Variants in IL1RAPL1 observed in about 807,000 individuals in gnomAD.
The protein encoded by IL1RAPL1 is interleukin 1 receptor accessory protein like 1.
IL1RAPL1 carries 3 observed loss-of-function variants against 48.4 expected under a neutral mutation model. The ratio of observed to expected loss-of-function variants is 0.06; its 90% CI spans 0.03 to 0.16. IL1RAPL1 has a LOEUF of 0.16. IL1RAPL1 is among the 10% of genes least tolerant of loss of function. The probability of loss-of-function intolerance (pLI) is 1.00; values close to 1 mark genes in which losing one functional copy is unlikely to be tolerated. For synonymous variants in IL1RAPL1, 185 were observed against 187.7 expected (o/e 0.99, Z 0.12); for missense variants, 349 against 530.6 (o/e 0.66, Z 3.36).
intron 2 of IL1RAPL1, among the ~76,000 whole-genome samples, chrX:29,149,633 G>A (rs1424825232): frequency 1.8e-5 from 2 of 111,709 alleles, no homozygotes; most frequent in Non-Finnish European, 3.8e-5. Flanking sequence ...AAGAGGTCAA[G>A]TAGCTTGTTA....
chrX:29,719,098 T>G (rs766973814), intron 6 of IL1RAPL1, among the ~76,000 whole-genome samples: 1 of 111,842 alleles, frequency 8.9e-6, no homozygotes, highest in Non-Finnish European at 1.9e-5. Flanking sequence ...AATCATTGCT[T>G]GTTGATACGT....
chrX:29,887,200 A>G (rs1460618298), intron 6 of IL1RAPL1, among the ~76,000 whole-genome samples: 1 of 112,517 alleles, frequency 8.9e-6, no homozygotes, highest in Non-Finnish European at 1.9e-5. Context: ...CAGAAAAAAT[A>G]TTAGAGTAAA....
At chrX:28,641,140 A>G in intron 1 of IL1RAPL1, among the ~76,000 whole-genome samples, 1 of 109,113 alleles carries the variant, frequency 9.2e-6, no homozygotes, top group South Asian at 4.1e-4. Flanking sequence ...AGGTATACAC[A>G]TGCCGTGGTG....
At chrX:28,630,631 G>A (rs191574418) in intron 1 of IL1RAPL1, among the ~76,000 whole-genome samples, 40 of 111,557 alleles carry the variant, frequency 3.6e-4, no homozygotes, top group South Asian at 2.2e-3. Flanking sequence ...TTTTCTATTC[G>A]TCTACTGCAA....
chrX:28,683,993 A>G (rs756085422), intron 1 of IL1RAPL1, among the ~76,000 whole-genome samples: 1 of 112,490 alleles, frequency 8.9e-6, no homozygotes, highest in South Asian at 3.7e-4. Flanking sequence ...TTTGCCATGT[A>G]AGGTTACATG....
chrX:29,332,620 A>G (rs1339589288), intron 3 of IL1RAPL1, among the ~76,000 whole-genome samples: 1 of 86,483 alleles, frequency 1.2e-5, no homozygotes, highest in Admixed American at 1.2e-4. Flanking sequence ...TTATTTATTT[A>G]TTTATTTATT....
intron 6 of IL1RAPL1, among the ~76,000 whole-genome samples, chrX:29,837,275 ATATAT>A (rs1569182673): frequency 6.7e-5 from 3 of 44,991 alleles, no homozygotes; most frequent in African/African-American, 2.3e-4. Flanking sequence ...AAAAAAAAAT[ATATAT>A]ATATATATAT....
chrX:29,848,410 A>G (rs1004581491), intron 6 of IL1RAPL1, among the ~76,000 whole-genome samples: 4 of 107,572 alleles, frequency 3.7e-5, no homozygotes, highest in African/African-American at 1.4e-4. Flanking sequence ...ACAGCACCAC[A>G]TATTTTTTTT....
At chrX:28,907,397 G>T (rs1923245909) in intron 2 of IL1RAPL1, among the ~76,000 whole-genome samples, 1 of 111,474 alleles carries the variant, frequency 9.0e-6, no homozygotes, top group South Asian at 3.7e-4. Flanking sequence ...TGAGATTACA[G>T]ACATGCACCA....
chrX:29,719,959 T>C (rs1429773021), intron 6 of IL1RAPL1, among the ~76,000 whole-genome samples: 1 of 111,075 alleles, frequency 9.0e-6, no homozygotes, highest in Non-Finnish European at 1.9e-5. Flanking sequence ...AAGTGAAAAC[T>C]ATGTGAATAA....
At chrX:29,389,521 C>T (rs1300799476) in intron 3 of IL1RAPL1, among the ~76,000 whole-genome samples, 1 of 111,049 alleles carries the variant, frequency 9.0e-6, no homozygotes, top group Non-Finnish European at 1.9e-5. Flanking sequence ...TTTTCCCTTA[C>T]TCTTGGAATC....
intron 5 of IL1RAPL1, among the ~76,000 whole-genome samples, chrX:29,474,553 A>C (rs1163227541): frequency 1.8e-5 from 2 of 112,154 alleles, no homozygotes; most frequent in Non-Finnish European, 3.8e-5. Flanking sequence ...ACAGTTCTGC[A>C]TGCTGTACAA....
rs1211584514 is a variant in IL1RAPL1, at chrX:28,737,186, CCTTTCTCTTTCTTT to C, written c.-24-52113_-24-52100del. 1.1e-4 allele frequency among the ~76,000 whole-genome samples: 6 copies of C among 52,403 alleles called. No homozygotes were observed. The East Asian group carries it at 2.3e-3, about 20-fold the overall frequency. 45.5% of individuals were successfully genotyped at this position (52,403 alleles called of 115,157 possible). A position where few individuals can be genotyped will look rare whatever the true frequency, so the allele number is the denominator to read the frequency against. On this transcript the variant is annotated intron_variant, in intron 1 of 10. Transcript: ENST00000378993. ...CCTTCCTTCCTTCCTTCCTTTCTTT[CCTTTCTCTTTCTTT>C]CTTTCTCTTTCTTTCTTTCTTTCTT...
intron 6 of IL1RAPL1, among the ~76,000 whole-genome samples, chrX:29,774,109 C>T (rs1929133604): frequency 9.0e-6 from 1 of 110,668 alleles, no homozygotes; most frequent in Non-Finnish European, 1.9e-5. Context: ...CCTGCTCTTC[C>T]TCCTACTTCT....
rs190058707 is a variant in IL1RAPL1 at position 29,182,149 on chromosome X, G to A, written c.83-100789G>A. Among the ~76,000 whole-genome samples the A allele has an allele frequency of 6.5e-3, 716 of 109,852 alleles. 22 individuals carry two copies. Among genetic ancestry groups the A allele is most frequent in the Admixed American group, 0.063 (632 of 10,110 alleles). On this transcript the variant is annotated intron_variant, in intron 2 of 10. Transcript: ENST00000378993. ...TTCCCTGACCTCTGGTAGAGGAGAA[G>A]GGCTGAAGGTTGACTTGATCACTGA...
chrX:29,353,510 A>C (rs965521497), intron 3 of IL1RAPL1, among the ~76,000 whole-genome samples: 1 of 111,887 alleles, frequency 8.9e-6, no homozygotes, highest in Non-Finnish European at 1.9e-5. Flanking sequence ...ATAACAAAGG[A>C]TCTTTTGACC....
chrX:28,765,061 C>A (rs750789280), intron 1 of IL1RAPL1, among the ~76,000 whole-genome samples: 1 of 107,637 alleles, frequency 9.3e-6, no homozygotes, highest in East Asian at 2.9e-4. Flanking sequence ...GGACAAAAAA[C>A]CGAACACCAC....
At chrX:28,916,741 G>A (rs888547615) in intron 2 of IL1RAPL1, among the ~76,000 whole-genome samples, 1 of 112,247 alleles carries the variant, frequency 8.9e-6, no homozygotes, top group African/African-American at 3.2e-5. Context: ...GTAAAGCACA[G>A]ATGATGCATT....
chrX:29,592,660 A>G (rs1279500736), intron 5 of IL1RAPL1, among the ~76,000 whole-genome samples: 2 of 112,182 alleles, frequency 1.8e-5, no homozygotes, highest in East Asian at 5.6e-4. Flanking sequence ...TCCCATTGCC[A>G]TCACCTTCTG....
Sources: allele counts gnomAD v4.1 joint callset (sites outside exome capture counted in the v4.1 genomes callset), GRCh38; gene constraint gnomAD v4.1.1; transcripts MANE v1.5; gene names NCBI Gene and HGNC (gene_info 2026-07-23, HGNC 2026-07-21).